DIAPH2: variants seen among roughly 807,000 people sequenced by gnomAD.
The protein encoded by DIAPH2 is protein diaphanous homolog 2.
In DIAPH2, 35 loss-of-function variants were observed where a neutral mutation model predicts 92.7. The ratio of observed to expected loss-of-function variants is 0.38; its 90% CI spans 0.29 to 0.50. The LOEUF (loss-of-function observed/expected upper bound fraction) is 0.50, where lower values mean the gene tolerates loss of function less well. DIAPH2 is among the 20% of genes least tolerant of loss of function. The probability of loss-of-function intolerance (pLI) is 0.94; values close to 1 mark genes in which losing one functional copy is unlikely to be tolerated. For synonymous variants in DIAPH2, 301 were observed against 280.4 expected, an observed-to-expected ratio of 1.07 and a Z score of -0.73; for missense variants, 701 against 819.5, an observed-to-expected ratio of 0.86 and a Z score of 1.77.
At chrX:96,856,763 G>T (rs770048867) in intron 4 of DIAPH2, among the ~76,000 whole-genome samples, 2 of 110,663 alleles carry the variant, frequency 1.8e-5, no homozygotes, top group East Asian at 2.8e-4. Flanking sequence ...TTGGCCGGGC[G>T]CAATGGCTCA....
At chrX:96,953,614 T>G (rs1269880295) in intron 15 of DIAPH2, 5 of 112,060 alleles carry the variant, frequency 4.5e-5, no homozygotes, top group Non-Finnish European at 9.4e-5. Context: ...CACTTTGTAT[T>G]TAGATAAATA....
chrX:97,473,780 G>A, intron 26 of DIAPH2, among the ~76,000 whole-genome samples: 1 of 111,452 alleles, frequency 9.0e-6, no homozygotes, highest in Non-Finnish European at 1.9e-5. Flanking sequence ...GGCCAACATG[G>A]TGAAACCTGT....
intron 4 of DIAPH2, among the ~76,000 whole-genome samples, chrX:96,837,433 C>CTGTGTGTG (rs1168572857): frequency 1.9e-4 from 8 of 41,342 alleles, no homozygotes; most frequent in Non-Finnish European, 2.3e-4. Context: ...CTCTCTCTCT[C>CTGTGTGTG]TGTGTGTGTG....
intron 26 of DIAPH2, among the ~76,000 whole-genome samples, chrX:97,488,885 G>A (rs753044035): frequency 1.1e-4 from 12 of 111,724 alleles, no homozygotes; most frequent in Non-Finnish European, 2.3e-4. Context: ...GAAGTGTGGC[G>A]AATCCAGCTA....
At chrX:97,379,633 T>C (rs1312369149) in intron 24 of DIAPH2, among the ~76,000 whole-genome samples, 2 of 112,109 alleles carry the variant, frequency 1.8e-5, no homozygotes, top group African/African-American at 3.2e-5. Context: ...CCAGGATCCT[T>C]ACTACCAATG....
At chrX:96,976,553 A>G (rs2065963419) in intron 17 of DIAPH2, among the ~76,000 whole-genome samples, 1 of 110,682 alleles carries the variant, frequency 9.0e-6, no homozygotes, top group African/African-American at 3.3e-5. Context: ...ACTTATGATG[A>G]CACACATTAA....
chrX:96,825,354 C>CTT (rs57788752), intron 4 of DIAPH2, among the ~76,000 whole-genome samples: 1,043 of 82,449 alleles, frequency 0.013, 6 homozygotes, highest in Non-Finnish European at 0.017. Flanking sequence ...CATGTGTTTT[C>CTT]TTTTTTTTTT....
At chrX:97,571,466 G>C (rs1377740373) in intron 26 of DIAPH2, among the ~76,000 whole-genome samples, 1 of 111,510 alleles carries the variant, frequency 9.0e-6, no homozygotes, top group East Asian at 2.8e-4. Context: ...TAAAAATACA[G>C]TAGATGATTA....
At chrX:97,338,123 C>T (rs1368288405) in intron 23 of DIAPH2, among the ~76,000 whole-genome samples, 3 of 110,568 alleles carry the variant, frequency 2.7e-5, no homozygotes, top group African/African-American at 9.9e-5. Flanking sequence ...CTGCCCGCCT[C>T]GGCCTCCCAA....
chrX:97,083,127 T>C (rs1421492517), intron 19 of DIAPH2, among the ~76,000 whole-genome samples: 2 of 112,224 alleles, frequency 1.8e-5, no homozygotes, highest in Admixed American at 1.9e-4. Flanking sequence ...TATCCTCCTA[T>C]GTAAAATAGA....
intron 16 of DIAPH2, among the ~76,000 whole-genome samples, chrX:96,962,262 TATATATATATAC>T (rs1175825524): frequency 1.1e-4 from 9 of 83,811 alleles, no homozygotes; most frequent in South Asian, 5.8e-4. Context: ...GATGCCTTTC[TATATATATATAC>T]ATATATATAT....
intron 15 of DIAPH2, among the ~76,000 whole-genome samples, chrX:96,955,089 A>G (rs1175274145): frequency 8.9e-6 from 1 of 112,345 alleles, no homozygotes; most frequent in Non-Finnish European, 1.9e-5. Flanking sequence ...TCACACTGCT[A>G]TGAAGAAATA....
chrX:97,224,430 T>C (rs971623634), intron 22 of DIAPH2, among the ~76,000 whole-genome samples: 6 of 112,192 alleles, frequency 5.3e-5, no homozygotes, highest in Non-Finnish European at 9.4e-5. Context: ...TGTGTGCTAA[T>C]CTAACAACAA....
chrX:96,950,726 T>G (rs2065769354), intron 15 of DIAPH2, among the ~76,000 whole-genome samples: 2 of 111,830 alleles, frequency 1.8e-5, no homozygotes, highest in South Asian at 7.6e-4. Flanking sequence ...GCCTTTAATA[T>G]GTTCACTTGT....
In DIAPH2 at chrX:97,058,891, G is replaced by T. The variant is rs2066576788; in HGVS notation, c.2051-14050G>T. 2.7e-5 allele frequency among the ~76,000 whole-genome samples: 3 copies of T among 111,935 alleles called. No individual in the cohort carries two copies. The South Asian group carries it at 1.1e-3, about 42-fold the overall frequency. On this transcript the variant is annotated intron_variant, in intron 17 of 26. Transcript: ENST00000324765. ...GTTTATAACTTAGATAAGTCAATAA[G>T]ATGCATACATGAAAATTAATTAAGT...
intron 17 of DIAPH2, among the ~76,000 whole-genome samples, chrX:97,013,661 C>T (rs1272209812): frequency 2.7e-5 from 3 of 111,887 alleles, no homozygotes; most frequent in African/African-American, 9.8e-5. Context: ...CTACTTTTTC[C>T]CTGTTGCTTT....
rs182602916 is a variant in DIAPH2 at position 97,239,553 on chromosome X, T to C, written c.2720-8162T>C. 5.8e-3 allele frequency among the ~76,000 whole-genome samples: 644 copies of C among 111,103 alleles called. 2 individuals carry two copies. Among genetic ancestry groups the C allele is most frequent in the African/African-American group, 0.02 (605 of 30,452 alleles). Reference sequence around the variant, plus strand: ...TTATAATTCAGATTCAGTAATTCAGTAGCAGATTTAAAAAATGAAATGAGA... The same window carrying C: ...TTATAATTCAGATTCAGTAATTCAGCAGCAGATTTAAAAAATGAAATGAGA... On this transcript the variant is annotated intron_variant, in intron 22 of 26. Transcript: ENST00000324765.
At chrX:97,248,388 T>C (rs1415870280) in intron 23 of DIAPH2, among the ~76,000 whole-genome samples, 1 of 111,686 alleles carries the variant, frequency 9.0e-6, no homozygotes, top group Admixed American at 9.5e-5. Flanking sequence ...TGTATAACAT[T>C]AAGCATTTCT....
chrX:97,338,544 G>A (rs1263300770), intron 23 of DIAPH2, among the ~76,000 whole-genome samples: 1 of 112,039 alleles, frequency 8.9e-6, no homozygotes, highest in Non-Finnish European at 1.9e-5. Context: ...TTATTTAAAT[G>A]GGTAATTATG....
Sources: allele counts gnomAD v4.1 joint callset (sites outside exome capture counted in the v4.1 genomes callset), GRCh38; gene constraint gnomAD v4.1.1; transcripts MANE v1.5; gene names NCBI Gene and HGNC (gene_info 2026-07-23, HGNC 2026-07-21).